Variants in RNF214 observed in about 807,000 individuals in gnomAD.
RNF214 encodes the protein ring finger protein 214.
Under a neutral mutation model 75.9 loss-of-function variants are expected in RNF214, and 25 were observed. The observed-to-expected ratio is 0.33, with a 90% CI of 0.24 to 0.46. RNF214 has a LOEUF of 0.46. Among genes scored for constraint, RNF214 ranks in the 20% least tolerant of loss-of-function variants. The probability of loss-of-function intolerance (pLI) is 1.00; values close to 1 mark genes in which losing one functional copy is unlikely to be tolerated. For synonymous variants in RNF214, 314 were observed against 308.8 expected (o/e 1.02, Z -0.18); for missense variants, 725 against 857.5 (o/e 0.85, Z 1.93).
chr11:117,244,667 T>A (rs375804303), intron 5 of RNF214, 82 bp downstream of exon 5: 55 of 1,048,242 alleles, frequency 5.2e-5, no homozygotes, highest in Admixed American at 3.9e-4. Flanking sequence ...ACTTTATTTA[T>A]TTATTTATTT....
chr11:117,244,032 A>G (rs2033147534), intron 4 of RNF214, among the ~76,000 whole-genome samples: 1 of 152,216 alleles, frequency 6.6e-6, no homozygotes, highest in Admixed American at 6.5e-5. Context: ...CCTAGGCTAA[A>G]GTGCAGTGGC....
intron 6 of RNF214, chr11:117,263,793 C>T (rs1276247846): frequency 2.0e-5 from 4 of 200,498 alleles, no homozygotes; most frequent in Non-Finnish European, 4.0e-5. Context: ...GTAAAAATCT[C>T]TGTAATTGTC....
intron 2 of RNF214, 77 bp from the exon 3 acceptor site, chr11:117,238,524 C>A: frequency 1.6e-6 from 2 of 1,275,286 alleles, no homozygotes; most frequent in Non-Finnish European, 2.2e-6. Flanking sequence ...GGAGGGTTTA[C>A]GTAGTCTAGT....
intron 6 of RNF214, chr11:117,263,927 G>A: frequency 4.4e-6 from 1 of 228,244 alleles, no homozygotes; most frequent in Non-Finnish European, 8.5e-6. Context: ...TTAGAATAGA[G>A]CTGTCCCAAG....
At chr11:117,239,533 CTG>C (rs2033013406) in intron 3 of RNF214, 1 of 493,604 alleles carries the variant, frequency 2.0e-6, no homozygotes, top group African/African-American at 1.9e-5. Flanking sequence ...GCACAACAGA[CTG>C]TAGAGGGCAG....
In RNF214 at chr11:117,285,132, T is replaced by C. The variant is rs1324064284; in HGVS notation, c.2093T>C (p.Phe698Ser). ...AQTNTNDTCP[F>S]CPTLK ...ACCAACACAAATGACACTTGTCCCT[T>C]TTGTCCAACTCTTAAATGACGGACC... Residue 698 changes from phenylalanine (F) to serine (S), a missense_variant, in exon 15 of 15, where the codon TTT becomes TCT. Coordinates refer to ENST00000300650, the MANE Select transcript of RNF214 (RefSeq NM_207343.4). The C allele has an allele frequency of 6.2e-7, 1 of 1,612,384 alleles. No homozygotes were observed. The highest frequency in any genetic ancestry group is 8.5e-7 in the Non-Finnish European group (1 of 1,178,474).
Position 117,280,252 on chromosome 11 carries a change from T to C in RNF214, c.1138T>C (p.Tyr380His). The change falls in exon 8 of 15, where the codon TAC (tyrosine) becomes CAC (histidine). Residue 380 changes from tyrosine to histidine, a missense_variant. Around this residue, in one of 2 missense-constraint regions of RNF214, gnomAD observed 363 missense variants for 513.0 expected, o/e 0.71. Coordinates refer to ENST00000300650, the MANE Select transcript of RNF214 (RefSeq NM_207343.4). ...AAAAGAGGCAGAATTGCACCTTACT[T>C]ACCTCAAGTAAGTACCTTTCCGTTC... ...AEKEAELHLT[Y>H]LKSTPPTLET... 6.3e-7 allele frequency: 1 copy of C among 1,598,342 alleles called. No individual in the cohort carries two copies. The highest frequency in any genetic ancestry group is 8.6e-7 in the Non-Finnish European group (1 of 1,165,752).
At chr11:117,234,771 A>G (rs1389396112) in intron 2 of RNF214, among the ~76,000 whole-genome samples, 2 of 152,154 alleles carry the variant, frequency 1.3e-5, no homozygotes, top group African/African-American at 2.4e-5. Flanking sequence ...CTTATATCTC[A>G]TAGTAGCTAA....
chr11:117,246,300 C>T (rs2033223737), intron 5 of RNF214, among the ~76,000 whole-genome samples: 2 of 150,256 alleles, frequency 1.3e-5, no homozygotes, highest in African/African-American at 2.4e-5. Context: ...AAAAAGTGTG[C>T]GTTTGTACAT....
chr11:117,248,526 C>T (rs1565333521), intron 6 of RNF214, among the ~76,000 whole-genome samples: 3 of 152,190 alleles, frequency 2.0e-5, no homozygotes, highest in African/African-American at 4.8e-5. Context: ...TTAGCAAGCT[C>T]ATGTGCTGAA....
intron 2 of RNF214, among the ~76,000 whole-genome samples, chr11:117,235,923 C>T (rs1348360094): frequency 6.6e-6 from 1 of 151,796 alleles, no homozygotes; most frequent in Non-Finnish European, 1.5e-5. Context: ...GAATGTGGAC[C>T]ACATTCTACA....
At chr11:117,250,609 AT>A (rs58692621) in intron 6 of RNF214, among the ~76,000 whole-genome samples, 1,106 of 63,154 alleles carry the variant, frequency 0.018, 9 homozygotes, top group African/African-American at 0.097. Context: ...TTATTTATTT[AT>A]TTTTTTTTTA....
At chr11:117,251,688 G>A (rs987531928) in intron 6 of RNF214, among the ~76,000 whole-genome samples, 3 of 152,104 alleles carry the variant, frequency 2.0e-5, no homozygotes, top group African/African-American at 7.2e-5. Flanking sequence ...AGACACTGCC[G>A]GCAGGGGGCT....
At chr11:117,265,279 C>A (rs558812236) in intron 6 of RNF214, among the ~76,000 whole-genome samples, 2 of 152,098 alleles carry the variant, frequency 1.3e-5, no homozygotes, top group Admixed American at 6.6e-5. Context: ...CTCTAATTCA[C>A]TGGCAATGGA....
In RNF214 at chr11:117,232,825, T is replaced by C. The variant is rs1326513395; in HGVS notation, c.-7+99T>C. ...GGGGTTGCGGGGCGAGGGCCGGGCA[T>C]GGGGGTCGGGTGGGGGGCGTGGAGG... On this transcript the variant is annotated intron_variant, in intron 1 of 14. Transcript: ENST00000300650. 14 of 135,738 alleles carry C rather than the reference T, an allele frequency of 1.0e-4. No individual in the cohort carries two copies. In the Admixed American group the frequency reaches 1.0e-3, roughly 10 times the overall value. 8.4% of individuals were successfully genotyped at this position (135,738 alleles called of 1,614,324 possible).
chr11:117,277,836 A>G (rs1030006470), intron 6 of RNF214, among the ~76,000 whole-genome samples: 1 of 151,750 alleles, frequency 6.6e-6, no homozygotes, highest in African/African-American at 2.4e-5. Context: ...TTAGCTGCGC[A>G]TGGTGGTGGG....
intron 6 of RNF214, among the ~76,000 whole-genome samples, chr11:117,260,417 T>G (rs1431318175): frequency 6.6e-6 from 1 of 152,250 alleles, no homozygotes; most frequent in African/African-American, 2.4e-5. Context: ...CTTGGCACTT[T>G]TGCCAAAAAC....
At chr11:117,246,123 C>G (rs1156767255) in intron 5 of RNF214, among the ~76,000 whole-genome samples, 2 of 152,060 alleles carry the variant, frequency 1.3e-5, no homozygotes, top group African/African-American at 4.8e-5. Flanking sequence ...TGCCACCACA[C>G]CTGGCTAATT....
chr11:117,268,790 TAAC>T (rs890515377), intron 6 of RNF214, among the ~76,000 whole-genome samples: 3 of 152,216 alleles, frequency 2.0e-5, no homozygotes, highest in African/African-American at 7.2e-5. Context: ...ATTGACATCT[TAAC>T]AATATTGAGT....
Sources: allele counts gnomAD v4.1 joint callset (sites outside exome capture counted in the v4.1 genomes callset), GRCh38; gene constraint gnomAD v4.1.1; regional missense constraint gnomAD v4.1.1; transcripts MANE v1.5; gene names NCBI Gene and HGNC (gene_info 2026-07-23, HGNC 2026-07-21).